The following PRELID2 variants were observed in gnomAD, a reference collection of about 807,000 sequenced individuals.
The protein encoded by PRELID2 is PRELI domain-containing protein 2.
Under a neutral mutation model 28.4 loss-of-function variants are expected in PRELID2, and 25 were observed. The observed-to-expected ratio is 0.88, with a 90% CI of 0.64 to 1.23. The LOEUF (loss-of-function observed/expected upper bound fraction) is 1.23, where lower values mean the gene tolerates loss of function less well. PRELID2 is among the 50% of genes most tolerant of loss of function. PRELID2 has a pLI of 0.00. For synonymous variants in PRELID2, 76 were observed against 71.6 expected (o/e 1.06, Z -0.31); for missense variants, 201 against 214.4 (o/e 0.94, Z 0.39).
intron 1 of PRELID2, among the ~76,000 whole-genome samples, chr5:145,636,966 A>G (rs80265320): frequency 0.02 from 3,065 of 152,234 alleles, 111 homozygotes; most frequent in African/African-American, 0.07. Flanking sequence ...AAGCTATTCT[A>G]CCAACGGAAA....
At chr5:145,570,649 T>C (rs1753007807) in intron 1 of PRELID2, among the ~76,000 whole-genome samples, 1 of 152,168 alleles carries the variant, frequency 6.6e-6, no homozygotes, top group African/African-American at 2.4e-5. Context: ...ATCCAGAATC[T>C]ATCCATGTCT....
At chr5:145,260,072 T>G in the PRELID2 span, among the ~76,000 whole-genome samples, 1 of 152,122 alleles carries the variant, frequency 6.6e-6, no homozygotes, top group Non-Finnish European at 1.5e-5. Flanking sequence ...CCTCGCACTC[T>G]CTTTCTTGCT....
At chr5:145,262,630 A>T in the PRELID2 span, among the ~76,000 whole-genome samples, 1 of 152,162 alleles carries the variant, frequency 6.6e-6, no homozygotes, top group African/African-American at 2.4e-5. Flanking sequence ...TTCCAGACAG[A>T]CATATGCTGA....
intron 1 of PRELID2, among the ~76,000 whole-genome samples, chr5:145,626,731 T>C (rs1382044373): frequency 6.6e-6 from 1 of 152,192 alleles, no homozygotes; most frequent in East Asian, 1.9e-4. Context: ...CTTGTATGTT[T>C]ATTGCAGCAC....
At chr5:145,763,791 G>C (rs1213126099) in intron 6 of PRELID2, among the ~76,000 whole-genome samples, 1 of 152,140 alleles carries the variant, frequency 6.6e-6, no homozygotes, top group Non-Finnish European at 1.5e-5. Flanking sequence ...AAAAACCTAA[G>C]GCCTGACCAG....
At chr5:145,308,718 G>C in the PRELID2 span, among the ~76,000 whole-genome samples, 1 of 151,940 alleles carries the variant, frequency 6.6e-6, no homozygotes, top group South Asian at 2.1e-4. Flanking sequence ...TTAACATATA[G>C]TAGATAATGA....
the PRELID2 span, among the ~76,000 whole-genome samples, chr5:145,243,489 A>G: frequency 1.3e-5 from 2 of 152,070 alleles, no homozygotes; most frequent in Non-Finnish European, 2.9e-5. Context: ...CATTTTATGT[A>G]TTACAATTAG....
At chr5:145,586,460 C>G (rs1753156164) in intron 1 of PRELID2, among the ~76,000 whole-genome samples, 1 of 152,044 alleles carries the variant, frequency 6.6e-6, no homozygotes, top group Non-Finnish European at 1.5e-5. Context: ...CTGGGCAATA[C>G]AGTGAGATCC....
intron 1 of PRELID2, among the ~76,000 whole-genome samples, chr5:145,696,156 C>CTTTT (rs10591669): frequency 3.2e-4 from 19 of 60,000 alleles, no homozygotes; most frequent in African/African-American, 7.4e-4. Context: ...TAAATAATAG[C>CTTTT]TTTTTTTTTT....
At chr5:145,723,657 T>C (rs896480141) in intron 1 of PRELID2, among the ~76,000 whole-genome samples, 2 of 152,212 alleles carry the variant, frequency 1.3e-5, no homozygotes, top group Admixed American at 1.3e-4. Flanking sequence ...ATACCATTTC[T>C]CTTCTATCAC....
chr5:145,501,021 A>T (rs996580291), intron 1 of PRELID2, among the ~76,000 whole-genome samples: 2 of 152,160 alleles, frequency 1.3e-5, no homozygotes, highest in African/African-American at 4.8e-5. Context: ...CTTTCCTGGA[A>T]TTACCCTTCC....
chr5:145,418,465 T>C, the PRELID2 span, among the ~76,000 whole-genome samples: 1 of 152,108 alleles, frequency 6.6e-6, no homozygotes, highest in Non-Finnish European at 1.5e-5. Flanking sequence ...ACTGGAGGCA[T>C]CATGTTAACC....
At chr5:145,710,469 C>T (rs1261519832) in intron 1 of PRELID2, among the ~76,000 whole-genome samples, 2 of 152,172 alleles carry the variant, frequency 1.3e-5, no homozygotes, top group Non-Finnish European at 2.9e-5. Context: ...ATTCTTCTAG[C>T]TCTAAGATTC....
chr5:145,555,665 TG>T (rs1752874519), intron 1 of PRELID2, among the ~76,000 whole-genome samples: 1 of 152,146 alleles, frequency 6.6e-6, no homozygotes, highest in Non-Finnish European at 1.5e-5. Context: ...TGATGAATGC[TG>T]AAGCTGATCA....
At chr5:145,320,994 T>C in the PRELID2 span, among the ~76,000 whole-genome samples, 9 of 152,194 alleles carry the variant, frequency 5.9e-5, no homozygotes, top group Admixed American at 2.6e-4. Flanking sequence ...AAAATTATTA[T>C]TTACCCCATT....
chr5:145,405,856 C>T, the PRELID2 span, among the ~76,000 whole-genome samples: 4 of 151,908 alleles, frequency 2.6e-5, no homozygotes, highest in African/African-American at 9.7e-5. Flanking sequence ...CAGGCACCTG[C>T]CACCATGCCT....
chr5:145,300,847 AG>A, the PRELID2 span, among the ~76,000 whole-genome samples: 1 of 151,622 alleles, frequency 6.6e-6, no homozygotes. Flanking sequence ...TTGTTAAGGA[AG>A]TCTTCTATTC....
intron 1 of PRELID2, among the ~76,000 whole-genome samples, chr5:145,608,475 G>C (rs568828159): frequency 1.3e-5 from 2 of 152,206 alleles, no homozygotes; most frequent in African/African-American, 4.8e-5. Context: ...TGTCTGAAAA[G>C]GATCTTATTT....
intron 1 of PRELID2, among the ~76,000 whole-genome samples, chr5:145,598,978 G>C (rs1753349919): frequency 6.6e-6 from 1 of 152,092 alleles, no homozygotes; most frequent in African/African-American, 2.4e-5. Flanking sequence ...AAGGCAACAT[G>C]GTTTTTCCTT....
Sources: gnomAD v4.1 joint callset for allele counts (sites outside exome capture counted in the v4.1 genomes callset) on GRCh38, gnomAD v4.1.1 for gene constraint, MANE v1.5 for transcripts, NCBI Gene and HGNC (gene_info 2026-07-23, HGNC 2026-07-21) for gene names.